FSHR: variants seen among roughly 807,000 people sequenced by gnomAD.
FSHR encodes the protein follicle stimulating hormone receptor.
In FSHR, 46 loss-of-function variants were observed where a neutral mutation model predicts 52.1. That is an observed-to-expected ratio of 0.88 (90% CI 0.70 to 1.13). The LOEUF (loss-of-function observed/expected upper bound fraction) is 1.13. Ranked by LOEUF, FSHR falls within the 50% of genes most tolerant of loss-of-function variation. The probability of loss-of-function intolerance (pLI) is 0.00; values close to 1 mark genes in which losing one functional copy is unlikely to be tolerated. For synonymous variants in FSHR, 399 were observed against 309.6 expected (o/e 1.29, Z -3.03); for missense variants, 964 against 834.6 (o/e 1.16, Z -1.91).
In FSHR at chr2:48,989,167, T is replaced by C. The variant is rs553500609; in HGVS notation, c.447-113A>G. 2.6e-4 allele frequency: 191 copies of C among 741,756 alleles called. No individual in the cohort carries two copies. The South Asian group carries it at 2.9e-3, about 11-fold the overall frequency. The allele number at this position is 741,756 out of a possible 1,614,324, so 45.9% of individuals were successfully genotyped here. On this transcript the variant is annotated intron_variant, in intron 5 of 9. Coordinates refer to ENST00000406846, the MANE Select transcript of FSHR (RefSeq NM_000145.4). ...CTTCAGCTGAGGTAATGTATTAATATAACTAGTTGTTGTTTAGAAGATGAT... is the reference window on the plus strand; with the variant it reads ...CTTCAGCTGAGGTAATGTATTAATACAACTAGTTGTTGTTTAGAAGATGAT...
intron 1 of FSHR, among the ~76,000 whole-genome samples, chr2:49,120,389 T>G (rs1671768907): frequency 6.6e-6 from 1 of 152,236 alleles, no homozygotes; most frequent in Admixed American, 6.5e-5. Flanking sequence ...GAGGAAAATG[T>G]GTTATGTTTC....
At chr2:49,040,373 C>T (rs1668438966) in intron 2 of FSHR, among the ~76,000 whole-genome samples, 1 of 151,994 alleles carries the variant, frequency 6.6e-6, no homozygotes, top group African/African-American at 2.4e-5. Flanking sequence ...AATTTTTCTC[C>T]CTGACCACCT....
rs776237964 is a variant in FSHR at position 48,963,878 on chromosome 2, C to T, written c.943G>A (p.Ala315Thr). 2 of 1,613,536 alleles carry T rather than the reference C, an allele frequency of 1.2e-6. No individual in the cohort carries two copies. Among genetic ancestry groups the T allele is most frequent in the East Asian group, 2.2e-5 (1 of 44,872 alleles). The change falls in exon 10 of 10, where the codon GCA becomes ACA. Residue 315 changes from alanine (A) to threonine (T), a missense_variant. Physicochemically the swap from Ala to Thr is moderately conservative, Grantham distance 58. Transcript: ENST00000406846. ...TQARGQRSSL[A>T]EDNESSYSRG... ...CTGTAGCTGGACTCATTGTCTTCTGCCAGAGAGGATCTCTGACCCCTAGCC... is the reference window on the plus strand; with the variant it reads ...CTGTAGCTGGACTCATTGTCTTCTGTCAGAGAGGATCTCTGACCCCTAGCC...
chr2:49,067,600 G>C (rs1382250703), intron 2 of FSHR, among the ~76,000 whole-genome samples: 1 of 152,064 alleles, frequency 6.6e-6, no homozygotes, highest in Non-Finnish European at 1.5e-5. Context: ...TTAAGTATAG[G>C]AGGATTTGCT....
At chr2:49,006,051 T>G (rs1388316406) in intron 4 of FSHR, among the ~76,000 whole-genome samples, 1 of 152,106 alleles carries the variant, frequency 6.6e-6, no homozygotes, top group Non-Finnish European at 1.5e-5. Flanking sequence ...GGATACTTCC[T>G]GTCCTTGAAC....
In FSHR at chr2:49,044,545, C is replaced by T. The variant is rs563133773; in HGVS notation, c.224+23674G>A. Among the ~76,000 whole-genome samples, 12 of 152,296 alleles carry T rather than the reference C, an allele frequency of 7.9e-5. No homozygotes were observed. The South Asian group carries it at 1.7e-3, about 21-fold the overall frequency. ...CCTTTGGAACTCATGCAGACCAGCA[C>T]AGATTTCATTCTGCTCTAGGTTTCC... On this transcript the variant is annotated intron_variant, in intron 2 of 9. Coordinates refer to ENST00000406846, the MANE Select transcript of FSHR (RefSeq NM_000145.4).
At chr2:48,993,354 A>C (rs1675871259) in intron 4 of FSHR, among the ~76,000 whole-genome samples, 1 of 152,158 alleles carries the variant, frequency 6.6e-6, no homozygotes, top group Non-Finnish European at 1.5e-5. Context: ...CATAGATAGA[A>C]TTGCTATCCA....
At chr2:48,976,529 G>T (rs10168582) in intron 8 of FSHR, among the ~76,000 whole-genome samples, 2 of 151,968 alleles carry the variant, frequency 1.3e-5, no homozygotes, top group African/African-American at 2.4e-5. Context: ...CTCTTTTTCT[G>T]TTGTTTGGAA....
At chr2:49,033,697 CT>C (rs1362146692) in intron 2 of FSHR, among the ~76,000 whole-genome samples, 4 of 152,140 alleles carry the variant, frequency 2.6e-5, no homozygotes, top group Non-Finnish European at 5.9e-5. Flanking sequence ...CTCCTCCCCC[CT>C]GTTCCCTATA....
intron 1 of FSHR, among the ~76,000 whole-genome samples, chr2:49,080,925 GGGACATCCACTACAC>G (rs1670144885): frequency 6.6e-6 from 1 of 152,134 alleles, no homozygotes; most frequent in Admixed American, 6.6e-5. Context: ...CTGACAACTA[GGGACATCCACTACAC>G]TGCAGAGTTT....
chr2:49,049,845 AT>A (rs1668790871), intron 2 of FSHR, among the ~76,000 whole-genome samples: 4 of 131,076 alleles, frequency 3.1e-5, no homozygotes, highest in African/African-American at 8.1e-5. Context: ...ATATATATAT[AT>A]ATATAATAAA....
chr2:49,053,333 G>A (rs1558412939), intron 2 of FSHR, among the ~76,000 whole-genome samples: 1 of 152,038 alleles, frequency 6.6e-6, no homozygotes, highest in African/African-American at 2.4e-5. Flanking sequence ...CACCTCCAGT[G>A]TTATAATAAC....
chr2:49,056,236 C>T (rs1669057871), intron 2 of FSHR, among the ~76,000 whole-genome samples: 1 of 151,344 alleles, frequency 6.6e-6, no homozygotes, highest in South Asian at 2.1e-4. Context: ...ATGCTGCCTA[C>T]AAGAAACTTA....
At chr2:49,034,295 G>T (rs1668202893) in intron 2 of FSHR, among the ~76,000 whole-genome samples, 1 of 152,180 alleles carries the variant, frequency 6.6e-6, no homozygotes, top group African/African-American at 2.4e-5. Flanking sequence ...TGAGGCCTTG[G>T]ATTTTCAGAG....
chr2:49,123,380 G>A (rs146423443), intron 1 of FSHR, among the ~76,000 whole-genome samples: 296 of 152,202 alleles, frequency 1.9e-3, no homozygotes, highest in African/African-American at 6.5e-3. Context: ...CCAGCTACTA[G>A]GGAGGCTGAG....
intron 1 of FSHR, among the ~76,000 whole-genome samples, chr2:49,080,756 G>A (rs1670136619): frequency 6.6e-6 from 1 of 152,142 alleles, no homozygotes; most frequent in African/African-American, 2.4e-5. Context: ...TCCCAGTGGT[G>A]GTGGCTAATG....
intron 2 of FSHR, among the ~76,000 whole-genome samples, chr2:49,021,880 TATATATAGAGAGAGAGAGAG>T (rs765311375): frequency 0.048 from 2,475 of 51,178 alleles, 62 homozygotes; most frequent in Middle Eastern, 0.11. Flanking sequence ...TATATATATA[TATATATAGAGAGAGAGAGAG>T]AGAGAGAGAG....
At chr2:49,135,195 A>G (rs1672443959) in intron 1 of FSHR, among the ~76,000 whole-genome samples, 1 of 151,982 alleles carries the variant, frequency 6.6e-6, no homozygotes, top group East Asian at 1.9e-4. Flanking sequence ...AACATTCTCC[A>G]GGATAGACCA....
At chr2:49,054,952 C>G (rs72827299) in intron 2 of FSHR, among the ~76,000 whole-genome samples, 7,657 of 152,070 alleles carry the variant, frequency 0.05, 427 homozygotes, top group East Asian at 0.21. Flanking sequence ...GCATAAAAAT[C>G]AATGTAGGGA....
Sources: allele counts gnomAD v4.1 joint callset (sites outside exome capture counted in the v4.1 genomes callset), GRCh38; gene constraint gnomAD v4.1.1; transcripts MANE v1.5; gene names NCBI Gene and HGNC (gene_info 2026-07-23, HGNC 2026-07-21).